Variants in MAPKAP1 observed in about 807,000 individuals in gnomAD.
MAPKAP1 encodes the protein MAPK associated protein 1, also known as target of rapamycin complex 2 subunit MAPKAP1.
In MAPKAP1, 20 loss-of-function variants were observed where a neutral mutation model predicts 65.7. The observed-to-expected ratio is 0.30, with a 90% CI of 0.21 to 0.44. MAPKAP1 has a LOEUF of 0.44. MAPKAP1 is among the 20% of genes least tolerant of loss of function. MAPKAP1 has a pLI of 1.00. For synonymous variants in MAPKAP1, 222 were observed against 244.3 expected, an observed-to-expected ratio of 0.91 and a Z score of 0.85; for missense variants, 423 against 648.0, an observed-to-expected ratio of 0.65 and a Z score of 3.77.
At chr9:125,506,548 G>T in intron 7 of MAPKAP1, 131 bp from the exon 8 acceptor site, 1 of 722,438 alleles carries the variant, frequency 1.4e-6, no homozygotes, top group Non-Finnish European at 2.4e-6. Context: ...TGAGGGTCTA[G>T]CTATCCAGGA....
intron 6 of MAPKAP1, among the ~76,000 whole-genome samples, chr9:125,549,202 T>C (rs765869600): frequency 4.6e-5 from 7 of 152,194 alleles, no homozygotes; most frequent in Admixed American, 2.0e-4. Flanking sequence ...CATTGGAGAA[T>C]GTCATGGTTT....
chr9:125,442,095 C>T (rs1023097713), intron 11 of MAPKAP1, among the ~76,000 whole-genome samples: 2 of 146,640 alleles, frequency 1.4e-5, no homozygotes, highest in Non-Finnish European at 3.0e-5. Flanking sequence ...CACGACTACA[C>T]CCCAGCCTGT....
chr9:125,541,783 T>G (rs1057088561), intron 7 of MAPKAP1, among the ~76,000 whole-genome samples: 7 of 152,254 alleles, frequency 4.6e-5, no homozygotes, highest in African/African-American at 1.4e-4. Flanking sequence ...GGATAAAGAC[T>G]TCTCATGCTG....
chr9:125,611,133 T>A (rs1162137727), intron 4 of MAPKAP1, among the ~76,000 whole-genome samples: 5 of 152,168 alleles, frequency 3.3e-5, no homozygotes, highest in Non-Finnish European at 7.3e-5. Flanking sequence ...AAAGCAAATA[T>A]GACAAAATGT....
chr9:125,578,296 A>C (rs1831511261), intron 5 of MAPKAP1, among the ~76,000 whole-genome samples: 2 of 151,872 alleles, frequency 1.3e-5, no homozygotes, highest in African/African-American at 4.8e-5. Context: ...AACACTGCGG[A>C]AGGCCGCAGG....
intron 3 of MAPKAP1, among the ~76,000 whole-genome samples, chr9:125,662,992 G>A (rs1834232495): frequency 6.6e-6 from 1 of 152,110 alleles, no homozygotes; most frequent in South Asian, 2.1e-4. Context: ...TGTTGAAGCT[G>A]GCAGATGAGT....
chr9:125,623,917 C>A (rs1228317272), intron 4 of MAPKAP1, among the ~76,000 whole-genome samples: 59 of 18,334 alleles, frequency 3.2e-3, no homozygotes, highest in Non-Finnish European at 6.5e-3. Flanking sequence ...CCAGCCACCC[C>A]GTCCGGGAGG....
intron 5 of MAPKAP1, among the ~76,000 whole-genome samples, chr9:125,570,564 G>A (rs1831197846): frequency 6.6e-6 from 1 of 152,094 alleles, no homozygotes; most frequent in Non-Finnish European, 1.5e-5. Flanking sequence ...ACTTACCAAA[G>A]TTTTCACCAA....
intron 4 of MAPKAP1, among the ~76,000 whole-genome samples, chr9:125,593,530 C>T (rs1024168329): frequency 1.3e-5 from 2 of 151,946 alleles, no homozygotes; most frequent in Non-Finnish European, 2.9e-5. Context: ...GGTGTGGTGG[C>T]GTGCGCCTGT....
intron 7 of MAPKAP1, chr9:125,521,904 G>T: frequency 1.3e-6 from 1 of 744,582 alleles, no homozygotes. Flanking sequence ...AGCAGACTCT[G>T]TTATGATATA....
chr9:125,697,074 C>T (rs2131866549), intron 1 of MAPKAP1, among the ~76,000 whole-genome samples: 1 of 152,268 alleles, frequency 6.6e-6, no homozygotes, highest in South Asian at 2.1e-4. Flanking sequence ...GATAATGATA[C>T]CACCAATACG....
intron 5 of MAPKAP1, among the ~76,000 whole-genome samples, chr9:125,566,898 T>C (rs1364517792): frequency 6.6e-6 from 1 of 152,214 alleles, no homozygotes; most frequent in Non-Finnish European, 1.5e-5. Context: ...GAACACTTTG[T>C]TTAGATCTAG....
At chr9:125,580,967 A>C (rs1164893860) in intron 5 of MAPKAP1, among the ~76,000 whole-genome samples, 1 of 152,240 alleles carries the variant, frequency 6.6e-6, no homozygotes, top group African/African-American at 2.4e-5. Context: ...GAATTGGGTG[A>C]TATGAAACTT....
chr9:125,520,188 T>C (rs1353943191), intron 7 of MAPKAP1, among the ~76,000 whole-genome samples: 4 of 152,236 alleles, frequency 2.6e-5, no homozygotes, highest in African/African-American at 9.6e-5. Flanking sequence ...ATCTTAGAGT[T>C]GTTGCAAGGA....
In MAPKAP1 at chr9:125,595,558, A is replaced by C. The variant is rs1176742953; in HGVS notation, c.499-9831T>G. ...AGCAATAAGAATACAGATGGGATTCAGTTCAAAATAATCTTGAATTAAGAA... is the reference window on the plus strand; with the variant it reads ...AGCAATAAGAATACAGATGGGATTCCGTTCAAAATAATCTTGAATTAAGAA... On this transcript the variant is annotated intron_variant, in intron 4 of 11. Coordinates refer to ENST00000265960, the MANE Select transcript of MAPKAP1 (RefSeq NM_001006617.3). This position sits in a 1 kb window ranked among gnomAD's most constrained non-coding sequence, Gnocchi z 4.0. The C allele has an allele frequency of 8.3e-7, 1 of 1,203,546 alleles. No individual in the cohort carries two copies. The highest frequency in any genetic ancestry group is 1.0e-6 in the Non-Finnish European group (1 of 961,420). 74.6% of individuals were successfully genotyped at this position (1,203,546 alleles called of 1,614,324 possible).
At chr9:125,515,800 C>T (rs973252279) in intron 7 of MAPKAP1, among the ~76,000 whole-genome samples, 1 of 152,132 alleles carries the variant, frequency 6.6e-6, no homozygotes, top group Non-Finnish European at 1.5e-5. Flanking sequence ...AGCAAGGGGG[C>T]CGGCCAGAAG....
chr9:125,548,669 T>C (rs1589278157), intron 6 of MAPKAP1, among the ~76,000 whole-genome samples: 1 of 152,188 alleles, frequency 6.6e-6, no homozygotes, highest in Non-Finnish European at 1.5e-5. Context: ...TAAATGCTTA[T>C]AGATGAGCCA....
At chr9:125,661,558 T>C (rs1031503320) in intron 3 of MAPKAP1, among the ~76,000 whole-genome samples, 1 of 152,174 alleles carries the variant, frequency 6.6e-6, no homozygotes, top group African/African-American at 2.4e-5. Context: ...AAAAGTATTG[T>C]ACAAAACAGT....
chr9:125,527,299 C>G (rs1471499508), intron 7 of MAPKAP1, among the ~76,000 whole-genome samples: 2 of 152,142 alleles, frequency 1.3e-5, no homozygotes, highest in African/African-American at 2.4e-5. Context: ...AACTCCTGAC[C>G]TCCTGATCCA....
Sources: allele counts gnomAD v4.1 joint callset (sites outside exome capture counted in the v4.1 genomes callset), GRCh38; gene constraint gnomAD v4.1.1; non-coding constraint Gnocchi (gnomAD v3.1); transcripts MANE v1.5; gene names NCBI Gene and HGNC (gene_info 2026-07-23, HGNC 2026-07-21).